The following CACNB2 variants were observed in gnomAD, a reference collection of about 807,000 sequenced individuals.
CACNB2 encodes calcium voltage-gated channel auxiliary subunit beta 2.
Under a neutral mutation model 73.3 loss-of-function variants are expected in CACNB2, and 42 were observed. That is an observed-to-expected ratio of 0.57 (90% CI 0.45 to 0.74). CACNB2 has a LOEUF of 0.74. CACNB2 is among the 30% of genes least tolerant of loss of function. The pLI is 0.00. For synonymous variants in CACNB2, 348 were observed against 310.3 expected, an observed-to-expected ratio of 1.12 and a Z score of -1.28; for missense variants, 940 against 853.0, an observed-to-expected ratio of 1.10 and a Z score of -1.27.
At chr10:18,267,558 A>T (rs746846568) in intron 2 of CACNB2, among the ~76,000 whole-genome samples, 1 of 152,190 alleles carries the variant, frequency 6.6e-6, no homozygotes, top group Admixed American at 6.5e-5. Context: ...GTGAACTGAG[A>T]TCACACCACT....
In CACNB2 at chr10:18,342,462, A is replaced by G. The variant is rs142262603; in HGVS notation, c.214-59462A>G. Among the ~76,000 whole-genome samples, 1,014 of 152,338 alleles carry G rather than the reference A, an allele frequency of 6.7e-3. 20 individuals carry two copies. Among genetic ancestry groups the G allele is most frequent in the African/African-American group, 0.022 (935 of 41,576 alleles). ...GGGCAGCATAGCAAGATCTGTGTCT[A>G]CAGAAATAATAGTTATCACATGAAT... On this transcript the variant is annotated intron_variant, in intron 2 of 13. Coordinates refer to ENST00000324631, the MANE Select transcript of CACNB2 (RefSeq NM_201596.3).
chr10:18,453,156 C>G (rs1044955237), intron 3 of CACNB2, among the ~76,000 whole-genome samples: 1 of 152,148 alleles, frequency 6.6e-6, no homozygotes, highest in Non-Finnish European at 1.5e-5. Flanking sequence ...GCCTTTTGAC[C>G]TGTCTCCTCC....
At chr10:18,386,902 G>C (rs1564493156) in intron 2 of CACNB2, among the ~76,000 whole-genome samples, 1 of 152,164 alleles carries the variant, frequency 6.6e-6, no homozygotes, top group Non-Finnish European at 1.5e-5. Context: ...TAAATGTGAT[G>C]ATGATGATGA....
intron 2 of CACNB2, among the ~76,000 whole-genome samples, chr10:18,258,633 G>A (rs1297717605): frequency 3.3e-5 from 5 of 152,148 alleles, no homozygotes; most frequent in Non-Finnish European, 5.9e-5. Context: ...GCCTGAGGAA[G>A]GAGAATCACT....
At chr10:18,430,361 T>A (rs2045826304) in intron 3 of CACNB2, among the ~76,000 whole-genome samples, 1 of 152,216 alleles carries the variant, frequency 6.6e-6, no homozygotes, top group Admixed American at 6.5e-5. Flanking sequence ...TTTTATCCTC[T>A]TTAGTTAAAA....
At chr10:18,319,451 G>A (rs930077475) in intron 2 of CACNB2, among the ~76,000 whole-genome samples, 4 of 151,922 alleles carry the variant, frequency 2.6e-5, no homozygotes, top group African/African-American at 4.8e-5. Flanking sequence ...CTCTCAGGGG[G>A]TGGGGGGCAA....
intron 2 of CACNB2, among the ~76,000 whole-genome samples, chr10:18,350,270 AAAT>A (rs1416535201): frequency 6.6e-6 from 1 of 152,124 alleles, no homozygotes; most frequent in Non-Finnish European, 1.5e-5. Context: ...AAAATAATAA[AAAT>A]AATAATAATA....
chr10:18,341,952 A>G (rs1185549949), intron 2 of CACNB2, among the ~76,000 whole-genome samples: 1 of 152,178 alleles, frequency 6.6e-6, no homozygotes, highest in African/African-American at 2.4e-5. Flanking sequence ...CTCATTAAGT[A>G]TTGTACGTGA....
intron 2 of CACNB2, among the ~76,000 whole-genome samples, chr10:18,152,709 CAAAAAAAAAAAA>C (rs772732675): frequency 2.0e-5 from 1 of 49,352 alleles, no homozygotes; most frequent in Non-Finnish European, 3.7e-5. Flanking sequence ...TGAAACAGAC[CAAAAAAAAAAAA>C]AAAAAAAAAA....
At chr10:18,447,686 A>G (rs927581602) in intron 3 of CACNB2, among the ~76,000 whole-genome samples, 12 of 152,104 alleles carry the variant, frequency 7.9e-5, no homozygotes, top group Non-Finnish European at 1.6e-4. Flanking sequence ...GTAGGTGTGG[A>G]AGCCCAATTT....
chr10:18,144,245 T>A (rs892205218), intron 1 of CACNB2, among the ~76,000 whole-genome samples: 1 of 152,000 alleles, frequency 6.6e-6, no homozygotes, highest in Admixed American at 6.6e-5. Context: ...GCTCAGCTAA[T>A]TTTTTTGTAT....
chr10:18,537,582 G>A (rs1197695296), intron 12 of CACNB2, among the ~76,000 whole-genome samples: 1 of 151,932 alleles, frequency 6.6e-6, no homozygotes, highest in East Asian at 2.0e-4. Flanking sequence ...TTCAACACCA[G>A]CCTGGCCAAC....
intron 2 of CACNB2, among the ~76,000 whole-genome samples, chr10:18,158,800 G>A (rs2032241888): frequency 1.3e-5 from 2 of 152,192 alleles, no homozygotes; most frequent in Non-Finnish European, 2.9e-5. Context: ...GTCCTGCTTG[G>A]CATGGATGGG....
chr10:18,397,093 G>C (rs77636580), intron 2 of CACNB2, among the ~76,000 whole-genome samples: 1 of 152,304 alleles, frequency 6.6e-6, no homozygotes, highest in Non-Finnish European at 1.5e-5. Context: ...CCAAAATACT[G>C]ATGCTGAAAA....
At chr10:18,390,931 C>T (rs1196959208) in intron 2 of CACNB2, among the ~76,000 whole-genome samples, 1 of 152,168 alleles carries the variant, frequency 6.6e-6, no homozygotes, top group Non-Finnish European at 1.5e-5. Flanking sequence ...CAATGAGTCA[C>T]TGGTACTTTT....
intron 2 of CACNB2, among the ~76,000 whole-genome samples, chr10:18,378,731 A>G (rs1330074602): frequency 1.3e-5 from 2 of 152,108 alleles, no homozygotes; most frequent in Non-Finnish European, 2.9e-5. Context: ...AGTCTGGGGA[A>G]ACCCTGTCTC....
chr10:18,344,792 TAAAAC>T (rs2041379495), intron 2 of CACNB2, among the ~76,000 whole-genome samples: 1 of 152,072 alleles, frequency 6.6e-6, no homozygotes, highest in Non-Finnish European at 1.5e-5. Flanking sequence ...TAAAATAAAA[TAAAAC>T]AGAAGAAATA....
chr10:18,539,144 G>C (rs1589776018), intron 13 of CACNB2, 86 bp from the exon 14 acceptor site: 1 of 1,555,848 alleles, frequency 6.4e-7, no homozygotes, highest in African/African-American at 1.4e-5. Flanking sequence ...TGCTTAAAAA[G>C]GACTCTGCTT....
chr10:18,301,067 A>G (rs1287224517), intron 2 of CACNB2, among the ~76,000 whole-genome samples: 1 of 152,208 alleles, frequency 6.6e-6, no homozygotes, highest in Admixed American at 6.5e-5. Context: ...CAAGGTAGAG[A>G]GAAAACCACC....
Sources: allele counts gnomAD v4.1 joint callset (sites outside exome capture counted in the v4.1 genomes callset), GRCh38; gene constraint gnomAD v4.1.1; transcripts MANE v1.5; gene names NCBI Gene and HGNC (gene_info 2026-07-23, HGNC 2026-07-21).